The following DEPTOR variants were observed in gnomAD, a reference collection of about 807,000 sequenced individuals.
DEPTOR encodes the protein DEP domain containing MTOR interacting protein.
DEPTOR carries 41 observed loss-of-function variants against 41.6 expected under a neutral mutation model. That is an observed-to-expected ratio of 0.98 (90% CI 0.77 to 1.28). The LOEUF (loss-of-function observed/expected upper bound fraction) is 1.28. Among genes scored for constraint, DEPTOR ranks in the 50% most tolerant of loss-of-function variants. The pLI is 0.00. For missense variants in DEPTOR, 514 were observed against 527.9 expected (o/e 0.97, Z 0.26); for synonymous variants, 195 against 192.3 (o/e 1.01, Z -0.12).
intron 1 of DEPTOR, among the ~76,000 whole-genome samples, chr8:119,920,741 C>T (rs958505226): frequency 2.6e-5 from 4 of 152,094 alleles, no homozygotes; most frequent in African/African-American, 2.4e-5. Context: ...TCCAGGGAGT[C>T]GAGTCCCACT....
At chr8:119,912,145 G>T (rs768490093) in intron 1 of DEPTOR, among the ~76,000 whole-genome samples, 2 of 152,126 alleles carry the variant, frequency 1.3e-5, no homozygotes, top group Non-Finnish European at 2.9e-5. Context: ...GAATTTGGTG[G>T]ATAAATAGGA....
intron 1 of DEPTOR, among the ~76,000 whole-genome samples, chr8:119,884,878 C>T (rs1404590191): frequency 6.6e-6 from 1 of 151,966 alleles, no homozygotes; most frequent in African/African-American, 2.4e-5. Flanking sequence ...AAGGTTCAAG[C>T]AATTCTTGTG....
intron 1 of DEPTOR, among the ~76,000 whole-genome samples, chr8:119,924,772 T>C (rs1413162113): frequency 2.0e-5 from 3 of 152,174 alleles, no homozygotes; most frequent in Non-Finnish European, 4.4e-5. Flanking sequence ...GGAATTCATG[T>C]GCAGGTTTGT....
chr8:120,000,795 G>C (rs949867370), intron 4 of DEPTOR, among the ~76,000 whole-genome samples: 1 of 151,716 alleles, frequency 6.6e-6, no homozygotes, highest in African/African-American at 2.4e-5. Context: ...ATGAATTGAG[G>C]GGCTGGGTGT....
At chr8:119,961,204 G>A (rs924927318) in intron 3 of DEPTOR, among the ~76,000 whole-genome samples, 41 of 151,920 alleles carry the variant, frequency 2.7e-4, no homozygotes, top group Non-Finnish European at 5.3e-4. Flanking sequence ...ATCACCTGAG[G>A]TTGGGAGTTC....
rs2271900 is a variant in DEPTOR at position 120,001,531 on chromosome 8, A to G, written c.611A>G (p.Asn204Ser). The G allele has an allele frequency of 0.71, 1,142,701 of 1,606,698 alleles. 408,715 individuals carry two copies. The highest frequency in any genetic ancestry group is 0.75 in the Middle Eastern group (4,535 of 6,018). Reference protein sequence around the residue: ...MEHGIIQHVSNKHPFVDSNLL... With the variant: ...MEHGIIQHVSSKHPFVDSNLL... ...TTTTTTTTTTTCTCCCCAGTGTCCA[A>G]CAAGCACCCATTTGTGGACAGCAAT... Residue 204 changes from asparagine to serine, a missense_variant, in exon 5 of 9, where the codon AAC (asparagine) becomes AGC (serine). Asn to Ser is a conservative substitution (Grantham distance 46, BLOSUM62 1). Coordinates refer to ENST00000286234, the MANE Select transcript of DEPTOR (RefSeq NM_022783.4).
chr8:119,938,247 TTC>T (rs1264950214), intron 3 of DEPTOR, among the ~76,000 whole-genome samples: 3 of 152,224 alleles, frequency 2.0e-5, no homozygotes, highest in African/African-American at 4.8e-5. Flanking sequence ...CCTTATAGGT[TTC>T]TCTGTTTAAC....
At chr8:119,886,335 C>A (rs2129692827) in intron 1 of DEPTOR, among the ~76,000 whole-genome samples, 1 of 152,216 alleles carries the variant, frequency 6.6e-6, no homozygotes, top group South Asian at 2.1e-4. Context: ...AATCACAAGT[C>A]CTGAGGTTCA....
At chr8:120,004,697 G>A (rs1417214577) in intron 6 of DEPTOR, among the ~76,000 whole-genome samples, 6 of 152,102 alleles carry the variant, frequency 3.9e-5, no homozygotes, top group South Asian at 2.1e-4. Flanking sequence ...AAAAGGTCTC[G>A]TTTCCTTTCG....
At chr8:119,932,739 C>T (rs1388204924) in intron 3 of DEPTOR, among the ~76,000 whole-genome samples, 1 of 152,084 alleles carries the variant, frequency 6.6e-6, no homozygotes, top group Non-Finnish European at 1.5e-5. Flanking sequence ...CAGGTGTCGT[C>T]GGTGCAAGAA....
intron 1 of DEPTOR, among the ~76,000 whole-genome samples, chr8:119,894,012 T>C (rs1210340276): frequency 1.3e-5 from 2 of 152,188 alleles, no homozygotes; most frequent in Non-Finnish European, 2.9e-5. Context: ...GGGGAAATCA[T>C]TGCAATCTTT....
chr8:119,977,080 A>G (rs987425756), intron 4 of DEPTOR, among the ~76,000 whole-genome samples: 4 of 152,134 alleles, frequency 2.6e-5, no homozygotes, highest in Non-Finnish European at 4.4e-5. Context: ...GGCTCACTGC[A>G]ACCTCCGCCT....
intron 3 of DEPTOR, among the ~76,000 whole-genome samples, chr8:119,938,880 CCT>C (rs141789019): frequency 8.1e-5 from 12 of 147,448 alleles, no homozygotes; most frequent in South Asian, 2.2e-4. Flanking sequence ...TCTGCCTTCC[CCT>C]CTCTCTCTCT....
chr8:120,001,438 C>A, intron 4 of DEPTOR, 87 bp from the exon 5 acceptor site: 2 of 1,209,552 alleles, frequency 1.7e-6, no homozygotes, highest in Non-Finnish European at 2.2e-6. Context: ...AGACTTTTGC[C>A]GCTGTTGCCT....
At chr8:119,991,258 C>T (rs1414201463) in intron 4 of DEPTOR, among the ~76,000 whole-genome samples, 1 of 151,856 alleles carries the variant, frequency 6.6e-6, no homozygotes, top group Non-Finnish European at 1.5e-5. Context: ...GTTATCTTTT[C>T]TTCTCCTCTC....
chr8:120,016,373 A>G (rs778692280), intron 8 of DEPTOR, among the ~76,000 whole-genome samples: 16 of 151,314 alleles, frequency 1.1e-4, no homozygotes, highest in Non-Finnish European at 1.8e-4. Flanking sequence ...ATCTCAGCTC[A>G]CTGCAACCTC....
At chr8:119,925,313 A>G (rs138037338) in intron 1 of DEPTOR, among the ~76,000 whole-genome samples, 2 of 151,456 alleles carry the variant, frequency 1.3e-5, no homozygotes, top group Non-Finnish European at 2.9e-5. Context: ...TTACTTGAAC[A>G]TGGGAGGTGG....
Position 120,010,635 on chromosome 8 carries a change from GA to G in DEPTOR, c.1101+1509del, listed in dbSNP as rs1812518994. 9.4e-5 allele frequency among the ~76,000 whole-genome samples: 14 copies of G among 149,242 alleles called. No individual in the cohort carries two copies. In the South Asian group the frequency reaches 2.8e-3, roughly 29 times the overall value. On this transcript the variant is annotated intron_variant, in intron 8 of 8. Coordinates refer to ENST00000286234, the MANE Select transcript of DEPTOR (RefSeq NM_022783.4). ...TCTGTCTCAAAAAAAAAAAAAAGAA[GA>G]AAAAAACACACATATACAGTCAAGA...
At chr8:119,874,144 T>C in intron 1 of DEPTOR, 176 bp downstream of exon 1, 1 of 1,019,606 alleles carries the variant, frequency 9.8e-7, no homozygotes, top group Non-Finnish European at 1.4e-6. Context: ...GCAGCCTCGG[T>C]CCCTGAGGAC....
Sources: gnomAD v4.1 joint callset for allele counts (sites outside exome capture counted in the v4.1 genomes callset) on GRCh38, gnomAD v4.1.1 for gene constraint, MANE v1.5 for transcripts, NCBI Gene and HGNC (gene_info 2026-07-23, HGNC 2026-07-21) for gene names.